RASEF: variants seen among roughly 807,000 people sequenced by gnomAD.
The protein encoded by RASEF is ras and EF-hand domain-containing protein.
A neutral mutation model predicts 90.1 loss-of-function variants in RASEF; 68 were observed. The observed-to-expected ratio is 0.75, with a 90% CI of 0.62 to 0.92. The LOEUF (loss-of-function observed/expected upper bound fraction) is 0.92. RASEF is among the 40% of genes least tolerant of loss of function. The probability of loss-of-function intolerance (pLI) is 0.00; values close to 1 mark genes in which losing one functional copy is unlikely to be tolerated. For missense variants in RASEF, 949 were observed against 937.2 expected, an observed-to-expected ratio of 1.01 and a Z score of -0.16; for synonymous variants, 331 against 345.2, an observed-to-expected ratio of 0.96 and a Z score of 0.46.
Position 83,038,782 on chromosome 9 carries a change from A to G in RASEF, c.432-12861T>C, listed in dbSNP as rs1288535827. Among the ~76,000 whole-genome samples, 5 of 152,332 alleles carry G rather than the reference A, an allele frequency of 3.3e-5. No individual in the cohort carries two copies. The East Asian group carries it at 9.6e-4, about 29-fold the overall frequency. ...TAAAATAGTGTTTTGATAAAATTAT[A>G]TAATTTAAAGTATATTAGTTATCCT... is the stretch of plus-strand genomic sequence containing the variant. On this transcript the variant is annotated intron_variant, in intron 1 of 16. Coordinates refer to ENST00000376447, the MANE Select transcript of RASEF (RefSeq NM_152573.4).
chr9:83,011,060 A>T (rs1420964047), intron 5 of RASEF, among the ~76,000 whole-genome samples: 1 of 152,226 alleles, frequency 6.6e-6, no homozygotes, highest in Non-Finnish European at 1.5e-5. Context: ...GACATTCTCA[A>T]ATATTCAAAA....
the RASEF span, among the ~76,000 whole-genome samples, chr9:83,159,142 C>T: frequency 8.8e-5 from 13 of 147,076 alleles, no homozygotes; most frequent in East Asian, 2.2e-3. Flanking sequence ...GCCAAGATCA[C>T]GCCACTGCAC....
chr9:83,132,691 A>C, the RASEF span, among the ~76,000 whole-genome samples: 1 of 152,188 alleles, frequency 6.6e-6, no homozygotes, highest in South Asian at 2.1e-4. Context: ...GACTGACATT[A>C]GTATGCAGTA....
At chr9:83,023,597 T>C (rs1829482534) in intron 2 of RASEF, among the ~76,000 whole-genome samples, 1 of 152,256 alleles carries the variant, frequency 6.6e-6, no homozygotes, top group Admixed American at 6.5e-5. Context: ...TATTATCTTC[T>C]GTTCCTATTT....
chr9:83,077,199 A>G, the RASEF span, among the ~76,000 whole-genome samples: 6 of 152,282 alleles, frequency 3.9e-5, no homozygotes, highest in Non-Finnish European at 7.4e-5. Flanking sequence ...TCTTCACTTT[A>G]TGATGACAAA....
chr9:83,026,473 G>A (rs1484929642), intron 1 of RASEF, among the ~76,000 whole-genome samples: 2 of 152,176 alleles, frequency 1.3e-5, no homozygotes, highest in East Asian at 3.9e-4. Context: ...TTCACATGGT[G>A]ACAGGAGAGA....
At chr9:83,070,093 C>CA in the RASEF span, among the ~76,000 whole-genome samples, 3 of 150,534 alleles carry the variant, frequency 2.0e-5, no homozygotes, top group Non-Finnish European at 4.4e-5. Context: ...TTTGCCTTTA[C>CA]ATTTTTTTAA....
chr9:83,183,367 G>A, the RASEF span, among the ~76,000 whole-genome samples: 28 of 151,818 alleles, frequency 1.8e-4, no homozygotes, highest in African/African-American at 5.6e-4. Flanking sequence ...TAGAAAATAA[G>A]CAATATATTT....
intron 1 of RASEF, among the ~76,000 whole-genome samples, chr9:83,045,353 A>G (rs576730327): frequency 6.6e-6 from 1 of 152,324 alleles, no homozygotes; most frequent in South Asian, 2.1e-4. Context: ...CTGAATAAGA[A>G]CTTTAATTGT....
At chr9:83,074,272 T>G in the RASEF span, among the ~76,000 whole-genome samples, 4 of 152,222 alleles carry the variant, frequency 2.6e-5, no homozygotes, top group East Asian at 7.7e-4. Flanking sequence ...GCCTGGATTC[T>G]AAGCATGATA....
chr9:83,125,214 C>T, the RASEF span, among the ~76,000 whole-genome samples: 4 of 152,114 alleles, frequency 2.6e-5, no homozygotes, highest in Admixed American at 6.5e-5. Context: ...GGCTCTCCTC[C>T]GCACATCACC....
intron 6 of RASEF, among the ~76,000 whole-genome samples, chr9:83,007,815 C>T (rs967547923): frequency 3.9e-5 from 6 of 152,180 alleles, no homozygotes; most frequent in African/African-American, 1.2e-4. Flanking sequence ...TCCCCATGCT[C>T]GCTGACCCAG....
the RASEF span, among the ~76,000 whole-genome samples, chr9:83,161,360 G>A: frequency 6.6e-6 from 1 of 152,198 alleles, no homozygotes. Context: ...TGGAATCAAA[G>A]GAGATCATTT....
the RASEF span, among the ~76,000 whole-genome samples, chr9:83,161,431 C>T: frequency 3.3e-5 from 5 of 152,302 alleles, no homozygotes; most frequent in South Asian, 6.2e-4. Flanking sequence ...CCCTTTCCCC[C>T]TTTCTTTGGG....
upstream of RASEF, among the ~76,000 whole-genome samples, chr9:83,067,315 A>G (rs76061783): frequency 7.7e-3 from 1,171 of 152,330 alleles, 16 homozygotes; most frequent in African/African-American, 0.027. Flanking sequence ...TCATGAATAT[A>G]TACTCAGAGC....
chr9:83,135,701 A>G, the RASEF span, among the ~76,000 whole-genome samples: 25 of 152,150 alleles, frequency 1.6e-4, no homozygotes, highest in East Asian at 1.5e-3. Context: ...AAATGGTCCC[A>G]TCTGTTGTTG....
the RASEF span, among the ~76,000 whole-genome samples, chr9:83,112,622 G>C: frequency 6.6e-6 from 1 of 152,120 alleles, no homozygotes; most frequent in African/African-American, 2.4e-5. Flanking sequence ...AGGAGGTGGA[G>C]GTTGTGGTGA....
chr9:83,039,169 A>C (rs1829794106), intron 1 of RASEF, among the ~76,000 whole-genome samples: 1 of 152,208 alleles, frequency 6.6e-6, no homozygotes, highest in African/African-American at 2.4e-5. Flanking sequence ...GCTACAAATC[A>C]GTCAAGGCTT....
chr9:83,113,651 G>A, the RASEF span, among the ~76,000 whole-genome samples: 1 of 152,186 alleles, frequency 6.6e-6, no homozygotes, highest in Non-Finnish European at 1.5e-5. Flanking sequence ...CGCGCTGGGA[G>A]TGTCTGTCTT....
Sources: allele counts gnomAD v4.1 joint callset (sites outside exome capture counted in the v4.1 genomes callset), GRCh38; gene constraint gnomAD v4.1.1; transcripts MANE v1.5; gene names NCBI Gene and HGNC (gene_info 2026-07-23, HGNC 2026-07-21).